Variants in KLHL29 observed in about 807,000 individuals in gnomAD.
KLHL29 encodes kelch-like protein 29.
Under a neutral mutation model 80.4 loss-of-function variants are expected in KLHL29, and 21 were observed. The ratio of observed to expected loss-of-function variants is 0.26; its 90% CI spans 0.19 to 0.38. The LOEUF is 0.38. Ranked by LOEUF, KLHL29 falls within the 10% of genes least tolerant of loss-of-function variation. KLHL29 has a pLI of 1.00. For synonymous variants in KLHL29, 511 were observed against 526.8 expected (o/e 0.97, Z 0.41); for missense variants, 867 against 1,223.9 (o/e 0.71, Z 4.35).
intron 8 of KLHL29, among the ~76,000 whole-genome samples, chr2:23,694,602 CCT>C (rs918525795): frequency 2.6e-5 from 4 of 152,220 alleles, no homozygotes; most frequent in African/African-American, 4.8e-5. Context: ...CAGCCTCTCT[CCT>C]CTCACTTCTC....
At chr2:23,614,761 G>A (rs1312017283) in intron 3 of KLHL29, among the ~76,000 whole-genome samples, 2 of 152,154 alleles carry the variant, frequency 1.3e-5, no homozygotes, top group Non-Finnish European at 1.5e-5. Flanking sequence ...GAGGTCACTC[G>A]GGTCGCTGAT....
intron 3 of KLHL29, among the ~76,000 whole-genome samples, chr2:23,626,679 G>A (rs558154770): frequency 1.6e-4 from 25 of 152,334 alleles, no homozygotes; most frequent in African/African-American, 5.3e-4. Context: ...GGGGGGCCGC[G>A]TTCCTTGTAG....
intron 2 of KLHL29, among the ~76,000 whole-genome samples, chr2:23,487,797 G>A (rs969315292): frequency 1.3e-5 from 2 of 152,208 alleles, no homozygotes; most frequent in African/African-American, 2.4e-5. Context: ...GGGAAAAACA[G>A]AACTGCCCTG....
chr2:23,479,325 G>A (rs377219110), intron 2 of KLHL29, among the ~76,000 whole-genome samples: 31 of 151,800 alleles, frequency 2.0e-4, no homozygotes, highest in African/African-American at 6.5e-4. Context: ...ATTCTGGTCC[G>A]TTCCCTGCCT....
At chr2:23,602,913 C>T (rs867633501) in intron 3 of KLHL29, among the ~76,000 whole-genome samples, 1 of 152,186 alleles carries the variant, frequency 6.6e-6, no homozygotes, top group Non-Finnish European at 1.5e-5. Flanking sequence ...TCTGCTCAGC[C>T]TAGGCCAGCT....
chr2:23,420,932 T>G (rs898970699), intron 1 of KLHL29, among the ~76,000 whole-genome samples: 2 of 151,832 alleles, frequency 1.3e-5, no homozygotes, highest in Middle Eastern at 3.4e-3. Flanking sequence ...CCTGGCTGCC[T>G]CCTCCTCCTC....
At chr2:23,568,801 T>G (rs1235851634) in intron 3 of KLHL29, among the ~76,000 whole-genome samples, 1 of 152,194 alleles carries the variant, frequency 6.6e-6, no homozygotes, top group Admixed American at 6.5e-5. Context: ...TCCCAGCATG[T>G]TTGTTTAGGC....
intron 5 of KLHL29, chr2:23,643,871 T>C (rs1669846568): frequency 6.6e-6 from 1 of 152,222 alleles, no homozygotes; most frequent in Admixed American, 6.5e-5. Flanking sequence ...CACTAGACGG[T>C]CCCAGAAAGT....
chr2:23,612,058 A>G (rs1668884966), intron 3 of KLHL29, among the ~76,000 whole-genome samples: 1 of 152,218 alleles, frequency 6.6e-6, no homozygotes, highest in Non-Finnish European at 1.5e-5. Flanking sequence ...GGAGGAAGAA[A>G]CTGTGTCAGA....
intron 1 of KLHL29, among the ~76,000 whole-genome samples, chr2:23,394,887 TGG>T (rs1666411203): frequency 6.6e-6 from 1 of 152,234 alleles, no homozygotes; most frequent in African/African-American, 2.4e-5. Flanking sequence ...GAAGGCTTCC[TGG>T]GGTGTGCTGA....
chr2:23,444,887 C>T (rs1204754024), intron 1 of KLHL29, among the ~76,000 whole-genome samples: 2 of 152,068 alleles, frequency 1.3e-5, no homozygotes, highest in Non-Finnish European at 2.9e-5. Context: ...AAACAGTTAG[C>T]TTCATGTGTT....
intron 1 of KLHL29, among the ~76,000 whole-genome samples, chr2:23,389,928 G>A (rs1438197112): frequency 6.6e-6 from 1 of 152,184 alleles, no homozygotes; most frequent in Non-Finnish European, 1.5e-5. Flanking sequence ...TTTGTCTGAA[G>A]TAAATTTTAC....
At chr2:23,523,783 C>T (rs1045042878) in intron 2 of KLHL29, among the ~76,000 whole-genome samples, 3 of 152,218 alleles carry the variant, frequency 2.0e-5, no homozygotes, top group Non-Finnish European at 4.4e-5. Context: ...GACGAGGGAG[C>T]AATGATTTAT....
chr2:23,677,444 T>C (rs1184742330), intron 5 of KLHL29, among the ~76,000 whole-genome samples: 1 of 152,132 alleles, frequency 6.6e-6, no homozygotes, highest in African/African-American at 2.4e-5. Context: ...AGTCAGAGTG[T>C]TTCATGGTTC....
chr2:23,490,166 G>C (rs1376622438), intron 2 of KLHL29, among the ~76,000 whole-genome samples: 2 of 152,266 alleles, frequency 1.3e-5, no homozygotes, highest in East Asian at 3.9e-4. Context: ...CTAGGTTTCT[G>C]TCTTGTTTTT....
intron 5 of KLHL29, among the ~76,000 whole-genome samples, chr2:23,649,201 C>T (rs756219082): frequency 2.6e-5 from 4 of 152,146 alleles, no homozygotes; most frequent in Non-Finnish European, 5.9e-5. Flanking sequence ...GAAACCAAAC[C>T]CCCATCCCAC....
chr2:23,692,450 G>A (rs1056733012), intron 7 of KLHL29, among the ~76,000 whole-genome samples: 1 of 152,254 alleles, frequency 6.6e-6, no homozygotes, highest in African/African-American at 2.4e-5. Flanking sequence ...CAAGGTGAGG[G>A]AGGGACAAAG....
At chr2:23,404,212 A>G (rs1032259077) in intron 1 of KLHL29, among the ~76,000 whole-genome samples, 5 of 152,166 alleles carry the variant, frequency 3.3e-5, no homozygotes, top group South Asian at 2.1e-4. Flanking sequence ...CTGCCCGTCA[A>G]TCTCAGGTGA....
At chr2:23,487,388 A>G (rs1664963239) in intron 2 of KLHL29, among the ~76,000 whole-genome samples, 1 of 152,132 alleles carries the variant, frequency 6.6e-6, no homozygotes, top group Admixed American at 6.5e-5. Context: ...TCCATCTTCT[A>G]ATAGGCCTAT....
Sources: allele counts gnomAD v4.1 joint callset (sites outside exome capture counted in the v4.1 genomes callset), GRCh38; gene constraint gnomAD v4.1.1; transcripts MANE v1.5; gene names NCBI Gene and HGNC (gene_info 2026-07-23, HGNC 2026-07-21).